Variants in CD86 observed in about 807,000 individuals in gnomAD.
CD86 encodes the protein CD86 molecule.
In CD86, 11 loss-of-function variants were observed where a neutral mutation model predicts 32.1. The observed-to-expected ratio is 0.34, with a 90% CI of 0.22 to 0.57. CD86 has a LOEUF of 0.57. CD86 is among the 20% of genes least tolerant of loss of function. The pLI, the probability that CD86 is intolerant of heterozygous loss-of-function variation, is 0.86. For synonymous variants in CD86, 137 were observed against 135.3 expected, an observed-to-expected ratio of 1.01 and a Z score of -0.09; for missense variants, 359 against 398.4, an observed-to-expected ratio of 0.90 and a Z score of 0.84.
intron 1 of CD86, among the ~76,000 whole-genome samples, chr3:122,058,799 G>A (rs2072280889): frequency 6.6e-6 from 1 of 152,074 alleles, no homozygotes; most frequent in Non-Finnish European, 1.5e-5. Context: ...CTGATTTGGA[G>A]TGACAAGGAG....
At position 122,116,474 on chromosome 3, in the gene CD86, G is replaced by C. The variant is rs371138434; in HGVS notation, c.848-1574G>C. On this transcript the variant is annotated intron_variant, in intron 5 of 6. Transcript: ENST00000330540. Reference sequence around the variant, plus strand: ...CCTCTAGAATGGCTAAAATTAAAAGGTCTGATAAACATCAAGTGTTGGAGA... The same window carrying C: ...CCTCTAGAATGGCTAAAATTAAAAGCTCTGATAAACATCAAGTGTTGGAGA... Among the ~76,000 whole-genome samples, 221 of 152,200 alleles carry C rather than the reference G, an allele frequency of 1.5e-3. 5 individuals carry two copies. In the South Asian group the frequency reaches 0.036, roughly 24 times the overall value.
intron 1 of CD86, among the ~76,000 whole-genome samples, chr3:122,055,844 T>A (rs991630473): frequency 6.6e-6 from 1 of 152,126 alleles, no homozygotes; most frequent in Non-Finnish European, 1.5e-5. Context: ...ATGTTTTTTG[T>A]CTACCAGGGT....
intron 2 of CD86, among the ~76,000 whole-genome samples, chr3:122,095,051 G>T (rs2072884626): frequency 6.6e-6 from 1 of 152,128 alleles, no homozygotes; most frequent in African/African-American, 2.4e-5. Flanking sequence ...AGTTTTGGTA[G>T]CTGCTCTCTT....
intron 2 of CD86, among the ~76,000 whole-genome samples, chr3:122,102,651 G>T (rs1483590434): frequency 6.6e-6 from 1 of 151,984 alleles, no homozygotes; most frequent in Admixed American, 6.5e-5. Flanking sequence ...GGTGCCTGGG[G>T]TTTCCCCAAT....
At chr3:122,068,639 T>C (rs1337888046) in intron 1 of CD86, among the ~76,000 whole-genome samples, 2 of 152,172 alleles carry the variant, frequency 1.3e-5, no homozygotes, top group African/African-American at 2.4e-5. Context: ...ACATCACAGG[T>C]GTTGGTAGTT....
chr3:122,089,483 C>G (rs968306831), intron 1 of CD86, among the ~76,000 whole-genome samples: 2 of 148,330 alleles, frequency 1.3e-5, no homozygotes, highest in African/African-American at 5.0e-5. Flanking sequence ...ATCTCATAAA[C>G]TAATAAAGAT....
At chr3:122,086,620 A>G (rs2072725970) in intron 1 of CD86, 1 of 476,648 alleles carries the variant, frequency 2.1e-6, no homozygotes, top group East Asian at 6.1e-5. Flanking sequence ...TGTCCAGGTT[A>G]AAGTGGAGAA....
intron 1 of CD86, among the ~76,000 whole-genome samples, chr3:122,088,005 T>C (rs911226690): frequency 7.2e-5 from 11 of 152,178 alleles, no homozygotes; most frequent in African/African-American, 2.7e-4. Context: ...CATGTAATTA[T>C]TTGAATGAAA....
intron 4 of CD86, 100 bp from the exon 5 acceptor site, chr3:122,109,165 C>G (rs1234582499): frequency 1.6e-6 from 2 of 1,278,678 alleles, no homozygotes; most frequent in Non-Finnish European, 2.2e-6. Context: ...GCCTTAGAGC[C>G]CTGGGGAGAG....
intron 1 of CD86, among the ~76,000 whole-genome samples, chr3:122,080,448 G>A (rs1187533327): frequency 6.6e-6 from 1 of 152,160 alleles, no homozygotes; most frequent in African/African-American, 2.4e-5. Flanking sequence ...CTATCGCCAT[G>A]CTATGCTCCT....
intron 1 of CD86, among the ~76,000 whole-genome samples, chr3:122,089,132 A>G (rs540481680): frequency 8.5e-5 from 13 of 152,354 alleles, no homozygotes; most frequent in African/African-American, 2.9e-4. Flanking sequence ...AAATTCATGG[A>G]AACAGAAGGT....
chr3:122,068,429 G>A (rs952474844), intron 1 of CD86, among the ~76,000 whole-genome samples: 1 of 152,042 alleles, frequency 6.6e-6, no homozygotes, highest in Non-Finnish European at 1.5e-5. Context: ...TCTAACTGAG[G>A]TTATAAAGAA....
intron 1 of CD86, among the ~76,000 whole-genome samples, chr3:122,082,547 G>A (rs2072649319): frequency 6.6e-6 from 1 of 152,204 alleles, no homozygotes; most frequent in African/African-American, 2.4e-5. Context: ...GGTCTGATTA[G>A]CACAGAGTTC....
At position 122,106,557 on chromosome 3, in the gene CD86, G is replaced by A. The variant is rs565979311; in HGVS notation, c.703+57G>A. The A allele has an allele frequency of 6.9e-5, 100 of 1,439,064 alleles. 1 individual carries two copies. In the South Asian group the frequency reaches 1.2e-3, roughly 18 times the overall value. 89.1% of individuals were successfully genotyped at this position (1,439,064 alleles called of 1,614,324 possible). ...GCAGGTATTATACACAAATGCTTAA[G>A]GCAGATCATCCAATGTCCCCGACTT... On this transcript the variant is annotated intron_variant, in intron 4 of 6. Coordinates refer to ENST00000330540, the MANE Select transcript of CD86 (RefSeq NM_175862.5).
At chr3:122,116,616 C>T (rs2073254650) in intron 5 of CD86, among the ~76,000 whole-genome samples, 1 of 151,860 alleles carries the variant, frequency 6.6e-6, no homozygotes, top group African/African-American at 2.4e-5. Flanking sequence ...CACAAATGTT[C>T]ATAGCAGCTT....
At chr3:122,077,751 C>G in intron 1 of CD86, 1 of 985,304 alleles carries the variant, frequency 1.0e-6, no homozygotes, top group Non-Finnish European at 1.2e-6. Context: ...CGTTTGTAGT[C>G]ATTCTCATCA....
chr3:122,062,901 T>C (rs2072358973), intron 1 of CD86, among the ~76,000 whole-genome samples: 1 of 152,214 alleles, frequency 6.6e-6, no homozygotes. Context: ...GTTCTTTAGC[T>C]CTGCCTTTTC....
chr3:122,098,051 T>G (rs2072936791), intron 2 of CD86, among the ~76,000 whole-genome samples: 1 of 152,198 alleles, frequency 6.6e-6, no homozygotes, highest in African/African-American at 2.4e-5. Context: ...AAAGGGCAAC[T>G]TCCTCAGCAA....
At chr3:122,111,412 A>G (rs892539609) in intron 5 of CD86, among the ~76,000 whole-genome samples, 5 of 152,218 alleles carry the variant, frequency 3.3e-5, no homozygotes, top group Non-Finnish European at 5.9e-5. Context: ...ACATGGCAAA[A>G]GGAACTTCAC....
Sources: allele counts gnomAD v4.1 joint callset (sites outside exome capture counted in the v4.1 genomes callset), GRCh38; gene constraint gnomAD v4.1.1; transcripts MANE v1.5; gene names NCBI Gene and HGNC (gene_info 2026-07-23, HGNC 2026-07-21).